METTL25: variants seen among roughly 807,000 people sequenced by gnomAD.
METTL25 encodes the protein methyltransferase like 25.
A neutral mutation model predicts 71.6 loss-of-function variants in METTL25; 64 were observed. The observed-to-expected ratio is 0.89, with a 90% CI of 0.73 to 1.10. The LOEUF is 1.10. Ranked by LOEUF, METTL25 falls within the 50% of genes least tolerant of loss-of-function variation. The pLI is 0.00. For missense variants in METTL25, 807 were observed against 707.0 expected, an observed-to-expected ratio of 1.14 and a Z score of -1.60; for synonymous variants, 287 against 250.3, an observed-to-expected ratio of 1.15 and a Z score of -1.38.
chr12:82,370,074 C>T (rs544685605), intron 1 of METTL25, among the ~76,000 whole-genome samples: 1 of 152,298 alleles, frequency 6.6e-6, no homozygotes, highest in South Asian at 2.1e-4. Context: ...GACACCCCAA[C>T]TGCTGTTGGG....
In METTL25 at chr12:82,476,724, T is replaced by C. The variant is rs1257849117; in HGVS notation, c.1647+6T>C. The C allele has an allele frequency of 6.4e-7, 1 of 1,565,978 alleles. No individual in the cohort carries two copies. The highest frequency in any genetic ancestry group is 1.8e-5 in the Admixed American group (1 of 55,620). ...AGCTGGAAGCTTTTAATATGGTAAA[T>C]CTCAGAGTTAAGCATATTAAATTGG... On this transcript the variant is annotated splice_donor_region_variant and intron_variant, in intron 10 of 11. Coordinates refer to ENST00000248306, the MANE Select transcript of METTL25 (RefSeq NM_032230.3).
chr12:82,371,836 T>C (rs989219172), intron 1 of METTL25, among the ~76,000 whole-genome samples: 3 of 152,166 alleles, frequency 2.0e-5, no homozygotes, highest in Non-Finnish European at 4.4e-5. Context: ...CCCTCAGTTA[T>C]GGTGGACATC....
chr12:82,450,334 T>G (rs561062664), intron 8 of METTL25, among the ~76,000 whole-genome samples: 1 of 152,304 alleles, frequency 6.6e-6, no homozygotes, highest in Admixed American at 6.5e-5. Context: ...CATCCTTGAC[T>G]CTTCTTTCTC....
At chr12:82,444,252 G>A (rs1459103870) in intron 8 of METTL25, among the ~76,000 whole-genome samples, 4 of 152,142 alleles carry the variant, frequency 2.6e-5, no homozygotes, top group Non-Finnish European at 5.9e-5. Context: ...GAGGAAGTGG[G>A]AGGACATTCA....
intron 5 of METTL25, among the ~76,000 whole-genome samples, chr12:82,418,962 G>C (rs1239047036): frequency 6.6e-6 from 1 of 152,064 alleles, no homozygotes; most frequent in South Asian, 2.1e-4. Flanking sequence ...AAAGCAAAAG[G>C]ATCTAAATCT....
At chr12:82,421,357 CTGAA>C (rs575728764) in intron 5 of METTL25, among the ~76,000 whole-genome samples, 279 of 152,190 alleles carry the variant, frequency 1.8e-3, no homozygotes, top group African/African-American at 6.0e-3. Flanking sequence ...CTAAAACAAA[CTGAA>C]TGAGAAAGTG....
chr12:82,377,230 A>G (rs1029929171), intron 1 of METTL25, among the ~76,000 whole-genome samples: 1 of 152,206 alleles, frequency 6.6e-6, no homozygotes. Flanking sequence ...AAAAAAGTAA[A>G]TATCACATGT....
intron 1 of METTL25, among the ~76,000 whole-genome samples, chr12:82,375,382 T>C (rs1381980226): frequency 6.6e-6 from 1 of 152,122 alleles, no homozygotes; most frequent in African/African-American, 2.4e-5. Context: ...ACCCTCAATC[T>C]GTACCAACTA....
At chr12:82,430,113 CTTTT>C (rs1250185539) in intron 5 of METTL25, among the ~76,000 whole-genome samples, 2 of 149,716 alleles carry the variant, frequency 1.3e-5, no homozygotes, top group Non-Finnish European at 3.0e-5. Flanking sequence ...TTTATCTCGA[CTTTT>C]TTTTAATTGT....
intron 1 of METTL25, among the ~76,000 whole-genome samples, chr12:82,383,620 A>AT (rs1366560428): frequency 6.6e-6 from 1 of 152,210 alleles, no homozygotes; most frequent in Admixed American, 6.5e-5. Flanking sequence ...ATAGGGATGA[A>AT]TTATTGTAAG....
intron 11 of METTL25, 39 bp from the exon 12 acceptor site, chr12:82,478,893 A>G (rs750628695): frequency 6.5e-7 from 1 of 1,536,912 alleles, no homozygotes. Flanking sequence ...TTTTTCTTCA[A>G]CAAATGGTTG....
chr12:82,368,069 C>T (rs1472422305), intron 1 of METTL25, among the ~76,000 whole-genome samples: 2 of 151,830 alleles, frequency 1.3e-5, no homozygotes, highest in African/African-American at 4.8e-5. Context: ...AAATAATAGC[C>T]ACCTTCTTCC....
At chr12:82,374,412 G>C (rs1167916178) in intron 1 of METTL25, 3 of 152,256 alleles carry the variant, frequency 2.0e-5, no homozygotes, top group Admixed American at 6.5e-5. Context: ...ACAGAGTGCT[G>C]ATTGGTGCGT....
At position 82,358,659 on chromosome 12, in the gene METTL25, T is replaced by C. The variant is rs1191687640; in HGVS notation, c.94T>C (p.Ser32Pro). The change falls in exon 1 of 12, where the codon TCC becomes CCC. Residue 32 changes from serine (S) to proline (P), a missense_variant. By Grantham distance (74) the Ser-to-Pro change is moderately conservative. Coordinates refer to ENST00000248306, the MANE Select transcript of METTL25 (RefSeq NM_032230.3). ...GCTGCAGTTCCTGAGGGATGCCCTGTCCATTTCCAATGCACATACCGTGGA... is the reference window on the plus strand; with the variant it reads ...GCTGCAGTTCCTGAGGGATGCCCTGCCCATTTCCAATGCACATACCGTGGA... ...GLLQFLRDAL[S>P]ISNAHTVDFY... 20 of 1,614,134 alleles carry C rather than the reference T, an allele frequency of 1.2e-5. No individual in the cohort carries two copies. The highest frequency in any genetic ancestry group is 1.6e-5 in the Non-Finnish European group (19 of 1,180,030).
chr12:82,419,234 A>G (rs1888252205), intron 5 of METTL25, among the ~76,000 whole-genome samples: 1 of 152,128 alleles, frequency 6.6e-6, no homozygotes, highest in African/African-American at 2.4e-5. Context: ...ACTTATTAAT[A>G]AGGAAGAGAA....
chr12:82,378,876 T>G (rs1352027574), intron 1 of METTL25, among the ~76,000 whole-genome samples: 1 of 151,838 alleles, frequency 6.6e-6, no homozygotes, highest in Non-Finnish European at 1.5e-5. Flanking sequence ...AAAAATAAAT[T>G]TAAAAAATTA....
At chr12:82,438,473 A>T (rs1890079731) in intron 7 of METTL25, 3 of 299,880 alleles carry the variant, frequency 1.0e-5, no homozygotes, top group Non-Finnish European at 1.8e-5. Flanking sequence ...ATTGATTATA[A>T]CTTTTCTTTC....
chr12:82,391,423 A>G (rs996071338), intron 3 of METTL25, among the ~76,000 whole-genome samples: 1 of 152,042 alleles, frequency 6.6e-6, no homozygotes, highest in Non-Finnish European at 1.5e-5. Context: ...TTACACTTTA[A>G]ATATAATTCA....
intron 1 of METTL25, among the ~76,000 whole-genome samples, chr12:82,384,482 CAAAT>C (rs1474996087): frequency 2.2e-5 from 3 of 136,238 alleles, no homozygotes; most frequent in Non-Finnish European, 3.0e-5. Flanking sequence ...AACTTGAAAA[CAAAT>C]AAAGTACAGC....
Sources: gnomAD v4.1 joint callset for allele counts (sites outside exome capture counted in the v4.1 genomes callset) on GRCh38, gnomAD v4.1.1 for gene constraint, MANE v1.5 for transcripts, NCBI Gene and HGNC (gene_info 2026-07-23, HGNC 2026-07-21) for gene names.